PIP4K2A: variants seen among roughly 807,000 people sequenced by gnomAD.
PIP4K2A encodes the protein phosphatidylinositol-5-phosphate 4-kinase type 2 alpha, also known as phosphatidylinositol 5-phosphate 4-kinase type-2 alpha.
Under a neutral mutation model 42.9 loss-of-function variants are expected in PIP4K2A, and 14 were observed. The observed-to-expected ratio is 0.33, with a 90% CI of 0.22 to 0.51. The LOEUF is 0.51. PIP4K2A is among the 20% of genes least tolerant of loss of function. PIP4K2A has a pLI of 0.97. For missense variants in PIP4K2A, 434 were observed against 519.8 expected (o/e 0.83, Z 1.61); for synonymous variants, 192 against 192.2 (o/e 1.00, Z 0.01).
intron 1 of PIP4K2A, among the ~76,000 whole-genome samples, chr10:22,713,498 A>C (rs1049039420): frequency 2.0e-5 from 3 of 152,172 alleles, no homozygotes; most frequent in African/African-American, 7.2e-5. Flanking sequence ...TCCAGCCCGC[A>C]CAGCGGCAGG....
rs1833699113 is a variant in PIP4K2A, at chr10:22,700,758, TG to T, written c.144+13424del. On this transcript the variant is annotated intron_variant, in intron 1 of 9. Coordinates refer to ENST00000376573, the MANE Select transcript of PIP4K2A (RefSeq NM_005028.5). ...CTAACACCTTCCTCAAAGTCCAGGC[TG>T]AAAAAACAAAAGCAAGGCTTATTTA... 2.0e-5 allele frequency among the ~76,000 whole-genome samples: 3 copies of T among 152,292 alleles called. No homozygotes were observed. The South Asian group carries it at 6.2e-4, about 32-fold the overall frequency.
chr10:22,574,307 G>A (rs1227025648), intron 4 of PIP4K2A, among the ~76,000 whole-genome samples: 2 of 152,160 alleles, frequency 1.3e-5, no homozygotes, highest in Admixed American at 1.3e-4. Flanking sequence ...GCAATCTCCA[G>A]GATAATAAAC....
intron 1 of PIP4K2A, among the ~76,000 whole-genome samples, chr10:22,623,484 A>C (rs7924184): frequency 0.06 from 9,207 of 152,230 alleles, 871 homozygotes; most frequent in African/African-American, 0.21. Context: ...TATGTACATT[A>C]TACTAAAAGG....
chr10:22,604,776 G>A (rs1837871131), intron 3 of PIP4K2A, among the ~76,000 whole-genome samples: 1 of 152,208 alleles, frequency 6.6e-6, no homozygotes, highest in Non-Finnish European at 1.5e-5. Flanking sequence ...AGCTCCAGGA[G>A]AGGAAAACAA....
chr10:22,631,923 T>C (rs1838558132), intron 1 of PIP4K2A, among the ~76,000 whole-genome samples: 1 of 152,086 alleles, frequency 6.6e-6, no homozygotes, highest in Non-Finnish European at 1.5e-5. Context: ...CTGACCAGAG[T>C]CAACAGCTTC....
At chr10:22,683,835 TCACACACACACA>T (rs138327782) in intron 1 of PIP4K2A, among the ~76,000 whole-genome samples, 9 of 139,400 alleles carry the variant, frequency 6.5e-5, no homozygotes, top group South Asian at 2.4e-4. Flanking sequence ...ACCAAGCAGT[TCACACACACACA>T]CACACACACA....
intron 8 of PIP4K2A, among the ~76,000 whole-genome samples, chr10:22,540,847 G>A (rs529073585): frequency 2.2e-4 from 33 of 152,272 alleles, no homozygotes; most frequent in African/African-American, 5.8e-4. Context: ...GAACCACTGC[G>A]CCCGGCCCGT....
rs746620348 is a variant in PIP4K2A at position 22,591,788 on chromosome 10, G to C, written c.340-7C>G. ...CGCTCCTGGTCAGGGAATTCTTCCC[G>C]GGTGGGGTAAGAGGGGAAGGAAGGC... On this transcript the variant is annotated splice_polypyrimidine_tract_variant and splice_region_variant and intron_variant, in intron 3 of 9. Coordinates refer to ENST00000376573, the MANE Select transcript of PIP4K2A (RefSeq NM_005028.5). The C allele has an allele frequency of 2.1e-5, 33 of 1,606,150 alleles. No individual in the cohort carries two copies. The highest frequency in any genetic ancestry group is 4.5e-5 in the East Asian group (2 of 44,600).
chr10:22,646,938 CAAAACAAAACAAAACAAAACA>C (rs1412842914), intron 1 of PIP4K2A, among the ~76,000 whole-genome samples: 1 of 82,844 alleles, frequency 1.2e-5, no homozygotes, highest in African/African-American at 4.2e-5. Flanking sequence ...AAACAAAAAA[CAAAACAAAACAAAACAAAACA>C]AAAAAAAACA....
At chr10:22,588,176 T>C (rs1214533587) in intron 4 of PIP4K2A, among the ~76,000 whole-genome samples, 1 of 152,244 alleles carries the variant, frequency 6.6e-6, no homozygotes, top group Non-Finnish European at 1.5e-5. Flanking sequence ...TGTTCTTAAT[T>C]TGCTTTCGTT....
chr10:22,565,199 G>C (rs1836816623), intron 6 of PIP4K2A, among the ~76,000 whole-genome samples: 1 of 152,104 alleles, frequency 6.6e-6, no homozygotes, highest in Non-Finnish European at 1.5e-5. Flanking sequence ...CATCCTTTCA[G>C]GGAGGATTCC....
intron 1 of PIP4K2A, among the ~76,000 whole-genome samples, chr10:22,669,204 G>A (rs2130855805): frequency 6.6e-6 from 1 of 152,232 alleles, no homozygotes; most frequent in Middle Eastern, 3.4e-3. Context: ...GAGTAAAAAG[G>A]AAATTAGAAG....
intron 1 of PIP4K2A, among the ~76,000 whole-genome samples, chr10:22,676,564 T>C (rs1191098200): frequency 2.0e-5 from 3 of 152,116 alleles, no homozygotes; most frequent in Non-Finnish European, 2.9e-5. Flanking sequence ...CATCATCTCA[T>C]CCAGCAGAGA....
intron 1 of PIP4K2A, among the ~76,000 whole-genome samples, chr10:22,611,992 G>T (rs1300648523): frequency 6.6e-6 from 1 of 152,218 alleles, no homozygotes; most frequent in Non-Finnish European, 1.5e-5. Context: ...TCACTTAAGA[G>T]AGTCTTCTCA....
intron 1 of PIP4K2A, among the ~76,000 whole-genome samples, chr10:22,616,207 A>G (rs1205487915): frequency 6.6e-6 from 1 of 151,890 alleles, no homozygotes; most frequent in Non-Finnish European, 1.5e-5. Flanking sequence ...GCAGAGGGGG[A>G]GCTGACATGT....
At chr10:22,696,910 G>T (rs1468939599) in intron 1 of PIP4K2A, among the ~76,000 whole-genome samples, 1 of 151,762 alleles carries the variant, frequency 6.6e-6, no homozygotes, top group East Asian at 1.9e-4. Context: ...ATTATCCCAG[G>T]GCTAATTTTA....
chr10:22,689,150 T>G (rs149711114), intron 1 of PIP4K2A, among the ~76,000 whole-genome samples: 145 of 152,260 alleles, frequency 9.5e-4, no homozygotes, highest in African/African-American at 3.4e-3. Flanking sequence ...GGTCCCACTG[T>G]CCTTCCTCCC....
rs990396210 is a variant in PIP4K2A at position 22,714,420 on chromosome 10, G to A, written c.-94C>T. ...CCCGGGGAGGCAGCCGCATCCCCCC[G>A]GCGGCGGCCCCGGCGCGCCGCGCTC... On this transcript the variant is annotated 5_prime_UTR_variant, in exon 1 of 10. Transcript: ENST00000376573. 17 of 901,728 alleles carry A rather than the reference G, an allele frequency of 1.9e-5. No homozygotes were observed. The African/African-American group carries it at 2.7e-4, about 14-fold the overall frequency. 55.9% of individuals were successfully genotyped at this position (901,728 alleles called of 1,614,324 possible).
intron 6 of PIP4K2A, among the ~76,000 whole-genome samples, chr10:22,564,671 C>A (rs1272348057): frequency 6.6e-6 from 1 of 152,172 alleles, no homozygotes; most frequent in African/African-American, 2.4e-5. Context: ...CCTCTTCTGG[C>A]CAAAGCCAGT....
Sources: gnomAD v4.1 joint callset for allele counts (sites outside exome capture counted in the v4.1 genomes callset) on GRCh38, gnomAD v4.1.1 for gene constraint, MANE v1.5 for transcripts, NCBI Gene and HGNC (gene_info 2026-07-23, HGNC 2026-07-21) for gene names.